STX1A: variants seen among roughly 807,000 people sequenced by gnomAD.
STX1A encodes the protein syntaxin-1A.
STX1A carries 4 observed loss-of-function variants against 37.8 expected under a neutral mutation model. That is an observed-to-expected ratio of 0.11 (90% confidence interval 0.05 to 0.24). The LOEUF is 0.24. STX1A is among the 10% of genes least tolerant of loss of function. The pLI, the probability that STX1A is intolerant of heterozygous loss-of-function variation, is 1.00. For missense variants in STX1A, 251 were observed against 399.9 expected (o/e 0.63, Z 3.18); for synonymous variants, 135 against 147.4 (o/e 0.92, Z 0.61).
In STX1A at chr7:73,700,382, A is replaced by C; in HGVS notation, c.*25T>G. 6.2e-7 allele frequency: 1 copy of C among 1,612,188 alleles called. No individual in the cohort carries two copies. Among genetic ancestry groups the C allele is most frequent in the Non-Finnish European group, 8.5e-7 (1 of 1,178,542 alleles). On this transcript the variant is annotated 3_prime_UTR_variant, in exon 10 of 10. Transcript: ENST00000222812. The surrounding 1 kb of genome is among the most constrained non-coding windows in gnomAD (Gnocchi z 4.4). ...GGCCTCCTTGGAGTGGCCCACCTGG[A>C]GTGGAGTGGCAGTTTGGGTGGCTTC... is the stretch of plus-strand genomic sequence containing the variant.
rs1584244315 is a variant in STX1A at position 73,704,578 on chromosome 7, C to T, written c.284-155G>A. 9.5e-6 allele frequency: 8 copies of T among 840,618 alleles called. No homozygotes were observed. In the East Asian group the frequency reaches 2.1e-4, roughly 22 times the overall value. 52.1% of individuals were successfully genotyped at this position (840,618 alleles called of 1,614,324 possible). A position where few individuals can be genotyped will look rare whatever the true frequency, so the allele number is the denominator to read the frequency against. ...GTGCCAGGCACCGATGGAGGAGGGG[C>T]CTACAGAAGCCCTTCCAGCTGTGAC... On this transcript the variant is annotated intron_variant, in intron 4 of 9. Transcript: ENST00000222812.
At chr7:73,704,525 T>G (rs1370403556) in intron 4 of STX1A, 102 bp from the exon 5 acceptor site, 2 of 1,453,496 alleles carry the variant, frequency 1.4e-6, no homozygotes, top group Non-Finnish European at 1.9e-6. Flanking sequence ...CCCTAGGGTA[T>G]GTGTGTGGCC....
chr7:73,708,171 GGGGAATC>G (rs1294781975), intron 3 of STX1A, among the ~76,000 whole-genome samples: 37 of 150,912 alleles, frequency 2.5e-4, no homozygotes, highest in African/African-American at 9.0e-4. Flanking sequence ...GGCTGAGGCA[GGGGAATC>G]GCTTGAACCC....
intron 1 of STX1A, among the ~76,000 whole-genome samples, chr7:73,715,416 G>A (rs530462553): frequency 6.6e-5 from 10 of 150,730 alleles, no homozygotes; most frequent in South Asian, 6.4e-4. Context: ...GCGAGACTCC[G>A]TCTAAAAAAA....
At position 73,715,687 on chromosome 7, in the gene STX1A, G is replaced by A. The variant is rs199916561; in HGVS notation, c.30+3915C>T. Among the ~76,000 whole-genome samples, 28 of 152,322 alleles carry A rather than the reference G, an allele frequency of 1.8e-4. No homozygotes were observed. In the East Asian group the frequency reaches 3.5e-3, roughly 19 times the overall value. On this transcript the variant is annotated intron_variant, in intron 1 of 9. Transcript: ENST00000222812. ...CGCAGAGGCCAGGCAGCCTCCAGGC[G>A]TGTCCCAGGGGAAGCCACCAGGCTG...
At chr7:73,703,622 G>T in intron 7 of STX1A, 133 bp downstream of exon 7, 2 of 1,064,022 alleles carry the variant, frequency 1.9e-6, no homozygotes, top group East Asian at 2.4e-5. Context: ...CCCCTCTCTG[G>T]GACTCTTCCT....
At chr7:73,708,994 C>T (rs782406409) in intron 2 of STX1A, 51 bp downstream of exon 2, 9 of 1,596,644 alleles carry the variant, frequency 5.6e-6, no homozygotes, top group Non-Finnish European at 6.9e-6. Flanking sequence ...GCGAGAGTGG[C>T]CCCCCAAGTT....
chr7:73,708,629 C>T lies in STX1A; in HGVS notation c.168G>A (p.Arg56=). 1 of 1,614,166 alleles carries T rather than the reference C, an allele frequency of 6.2e-7. No homozygotes were observed. The highest frequency in any genetic ancestry group is 8.5e-7 in the Non-Finnish European group (1 of 1,180,016). ...KIAENVEEVK[R]KHSAILASPN... is the part of the protein sequence containing the mutation. ...GGGATGCCAGGATGGCACTGTGCTT[C>T]CGCTTCACCTCCTCCACGTTCTCTG... The change falls in exon 3 of 10, where the codon CGG becomes CGA. Residue 56 remains arginine, a synonymous_variant. Transcript: ENST00000222812.
At chr7:73,701,412 C>T (rs1239336046) in intron 8 of STX1A, among the ~76,000 whole-genome samples, 4 of 152,056 alleles carry the variant, frequency 2.6e-5, no homozygotes, top group African/African-American at 4.8e-5. Context: ...GTCTCAGCTA[C>T]TCAGGAGGCT....
At chr7:73,718,622 C>A (rs542629481) in intron 1 of STX1A, among the ~76,000 whole-genome samples, 1 of 152,008 alleles carries the variant, frequency 6.6e-6, no homozygotes. Flanking sequence ...TCCACCCCCC[C>A]TCCCCGACAC....
chr7:73,708,436 G>C (rs1554617392), intron 3 of STX1A, among the ~76,000 whole-genome samples, 153 bp downstream of exon 3: 1 of 152,078 alleles, frequency 6.6e-6, no homozygotes, highest in Non-Finnish European at 1.5e-5. Context: ...ATTTCCCAAG[G>C]CTTCTCGTGA....
chr7:73,718,770 C>T (rs576414229), intron 1 of STX1A, among the ~76,000 whole-genome samples: 65 of 152,240 alleles, frequency 4.3e-4, no homozygotes, highest in Admixed American at 2.0e-3. Flanking sequence ...AGAAGGTGGG[C>T]TCTGACTCAG....
chr7:73,706,175 A>AG lies in STX1A; in HGVS notation c.209-952dup, dbSNP rs1798864211. ...GGCTGGGGTTTGTCCTAGAGGGGAC[A>AG]GGGAGGGGTGTTGAGAGTGGTCTAT... On this transcript the variant is annotated intron_variant, in intron 3 of 9. Coordinates refer to ENST00000222812, the MANE Select transcript of STX1A (RefSeq NM_004603.4). The surrounding 1 kb of genome is among the most constrained non-coding windows in gnomAD (Gnocchi z 4.6). Among the ~76,000 whole-genome samples the AG allele has an allele frequency of 2.6e-5, 4 of 152,024 alleles. No individual in the cohort carries two copies. The highest frequency in any genetic ancestry group is 2.6e-4 in the Admixed American group (4 of 15,258).
intron 7 of STX1A, 44 bp from the exon 8 acceptor site, chr7:73,703,026 G>A: frequency 6.5e-7 from 1 of 1,530,986 alleles, no homozygotes; most frequent in Middle Eastern, 1.8e-4. Flanking sequence ...GCTTGCTGAG[G>A]GGCAGGGCAG....
At chr7:73,703,091 GAGGCTTCCTCCCAAGCCGC>G (rs1798724900) in intron 7 of STX1A, 109 bp from the exon 8 acceptor site, 1 of 935,404 alleles carries the variant, frequency 1.1e-6, no homozygotes, top group South Asian at 1.6e-5. Context: ...AAGGGGGCCT[GAGGCTTCCTCCCAAGCCGC>G]AGCCTTCCCC....
rs1799008792 is a variant in STX1A, at chr7:73,709,337, T to C, written c.31-215A>G. On this transcript the variant is annotated intron_variant, in intron 1 of 9. Transcript: ENST00000222812. This position sits in a 1 kb window ranked among gnomAD's most constrained non-coding sequence, Gnocchi z 4.2. ...GCACAGAGAGAGGAACCTTGCCTGA[T>C]ACACTGGTGTCAAGGCCAAGTCTCA... is the stretch of plus-strand genomic sequence containing the variant. Among the ~76,000 whole-genome samples, 1 of 152,106 alleles carries C rather than the reference T, an allele frequency of 6.6e-6. No homozygotes were observed. The highest frequency in any genetic ancestry group is 1.5e-5 in the Non-Finnish European group (1 of 67,998).
Position 73,706,354 on chromosome 7 carries a change from C to T in STX1A, c.209-1130G>A, listed in dbSNP as rs1279004697. 2.6e-5 allele frequency among the ~76,000 whole-genome samples: 4 copies of T among 152,178 alleles called. No homozygotes were observed. Among genetic ancestry groups the T allele is most frequent in the Admixed American group, 2.6e-4 (4 of 15,284 alleles). ...CTCTGACGTCTCAGCCTCTTTTGCT[C>T]AGACCCAAAATAGCCCAGGCCGGAT... On this transcript the variant is annotated intron_variant, in intron 3 of 9. Transcript: ENST00000222812. The surrounding 1 kb of genome is among the most constrained non-coding windows in gnomAD (Gnocchi z 4.6).
In STX1A at chr7:73,709,299, CA is replaced by C. The variant is rs1799005442; in HGVS notation, c.31-178del. 6.6e-6 allele frequency among the ~76,000 whole-genome samples: 1 copy of C among 152,076 alleles called. No homozygotes were observed. Among genetic ancestry groups the C allele is most frequent in the Non-Finnish European group, 1.5e-5 (1 of 67,998 alleles). ...CCAGCCACAGTAAGATCTGGAGGAC[CA>C]CTGGGGGCCCGGCACAGAGAGAGGA... On this transcript the variant is annotated intron_variant, in intron 1 of 9. Transcript: ENST00000222812. This position sits in a 1 kb window ranked among gnomAD's most constrained non-coding sequence, Gnocchi z 4.2.
At chr7:73,719,543 T>A in intron 1 of STX1A, 59 bp downstream of exon 1, 1 of 1,197,000 alleles carries the variant, frequency 8.4e-7, no homozygotes. Flanking sequence ...GCGGGAAGTG[T>A]CCGGCGCGTT....
Sources: gnomAD v4.1 joint callset for allele counts (sites outside exome capture counted in the v4.1 genomes callset) on GRCh38, gnomAD v4.1.1 for gene constraint, Gnocchi (gnomAD v3.1) non-coding constraint, MANE v1.5 for transcripts, NCBI Gene and HGNC (gene_info 2026-07-23, HGNC 2026-07-21) for gene names.